The following NOVA1 variants were observed in gnomAD, a reference collection of about 807,000 sequenced individuals.
The protein encoded by NOVA1 is RNA-binding protein Nova-1.
Under a neutral mutation model 38.0 loss-of-function variants are expected in NOVA1, and 7 were observed. The observed-to-expected ratio is 0.18, with a 90% CI of 0.10 to 0.35. The LOEUF is 0.35. Among genes scored for constraint, NOVA1 ranks in the 10% least tolerant of loss-of-function variants. NOVA1 has a pLI of 1.00. For synonymous variants in NOVA1, 270 were observed against 232.5 expected (o/e 1.16, Z -1.47); for missense variants, 460 against 616.0 (o/e 0.75, Z 2.68).
At chr14:26,468,048 T>G (rs1884283455) in intron 4 of NOVA1, among the ~76,000 whole-genome samples, 1 of 152,140 alleles carries the variant, frequency 6.6e-6, no homozygotes. Context: ...TGATGCAATG[T>G]CATTAGCATG....
At chr14:26,566,263 CTT>C (rs1000164432) in intron 2 of NOVA1, among the ~76,000 whole-genome samples, 1 of 152,106 alleles carries the variant, frequency 6.6e-6, no homozygotes, top group African/African-American at 2.4e-5. Context: ...ACAAAACTAA[CTT>C]ATCACTAACT....
chr14:26,593,278 T>A (rs530553479), intron 2 of NOVA1: 2 of 151,826 alleles, frequency 1.3e-5, no homozygotes, highest in African/African-American at 4.8e-5. Flanking sequence ...TCAGAGGCTA[T>A]GTTGAAGAAT....
chr14:26,472,346 G>T lies in NOVA1; in HGVS notation c.493C>A (p.Pro165Thr). ...TGATTAGCTCTGGAGGTGGTCATGG[G>T]ATCAGATGGAGAGGACTTGGTGGTA... ...PTTTKSSPSD[P>T]MTTSRANQVK... is the part of the protein sequence containing the mutation. The change falls in exon 4 of 5, where the codon CCC (proline) becomes ACC (threonine). Residue 165 changes from proline to threonine, a missense_variant. By Grantham distance (38) the Pro-to-Thr change is conservative. Coordinates refer to ENST00000539517, the MANE Select transcript of NOVA1 (RefSeq NM_002515.3). 1 of 1,594,716 alleles carries T rather than the reference G, an allele frequency of 6.3e-7. No individual in the cohort carries two copies. The highest frequency in any genetic ancestry group is 8.6e-7 in the Non-Finnish European group (1 of 1,168,076).
chr14:26,552,359 T>C (rs1179482789), intron 2 of NOVA1, among the ~76,000 whole-genome samples: 1 of 152,102 alleles, frequency 6.6e-6, no homozygotes, highest in Non-Finnish European at 1.5e-5. Context: ...TAAGTAAGTA[T>C]TTTATAAAAA....
At position 26,492,804 on chromosome 14, in the gene NOVA1, T is replaced by G. The variant is rs1288452479; in HGVS notation, c.281-12661A>C. On this transcript the variant is annotated intron_variant, in intron 2 of 4. Coordinates refer to ENST00000539517, the MANE Select transcript of NOVA1 (RefSeq NM_002515.3). Reference sequence around the variant, plus strand: ...CAACATGGTGAAACCCCATCTCTACTAAACATAAAAATTAGCCAGGCATGG... The same window carrying G: ...CAACATGGTGAAACCCCATCTCTACGAAACATAAAAATTAGCCAGGCATGG... 1.8e-3 allele frequency among the ~76,000 whole-genome samples: 30 copies of G among 16,510 alleles called. No homozygotes were observed. In the Non-Finnish European group the frequency reaches 0.056, roughly 31 times the overall value. 10.8% of individuals were successfully genotyped at this position (16,510 alleles called of 152,430 possible). A position where few individuals can be genotyped will look rare whatever the true frequency, so the allele number is the denominator to read the frequency against.
intron 4 of NOVA1, among the ~76,000 whole-genome samples, chr14:26,449,489 T>C (rs184360586): frequency 6.6e-6 from 1 of 152,152 alleles, no homozygotes; most frequent in Non-Finnish European, 1.5e-5. Context: ...GTAATTTTTT[T>C]GTTATTAAAG....
chr14:26,582,039 A>T (rs1428676629), intron 2 of NOVA1, among the ~76,000 whole-genome samples: 1 of 151,876 alleles, frequency 6.6e-6, no homozygotes, highest in African/African-American at 2.4e-5. Flanking sequence ...TAAAGAATTT[A>T]AAAACAACAC....
intron 4 of NOVA1, among the ~76,000 whole-genome samples, chr14:26,459,837 G>GT (rs984918223): frequency 6.6e-6 from 1 of 151,764 alleles, no homozygotes; most frequent in Non-Finnish European, 1.5e-5. Context: ...TGTAACTAGG[G>GT]AATTAAGTTA....
At chr14:26,568,158 A>T (rs149964880) in intron 2 of NOVA1, among the ~76,000 whole-genome samples, 8 of 152,336 alleles carry the variant, frequency 5.3e-5, no homozygotes, top group African/African-American at 1.9e-4. Context: ...ACATATTGCT[A>T]ACTACTCTTT....
intron 2 of NOVA1, among the ~76,000 whole-genome samples, chr14:26,527,685 A>C (rs1455358366): frequency 6.6e-6 from 1 of 152,164 alleles, no homozygotes; most frequent in Non-Finnish European, 1.5e-5. Context: ...CTTGGCACTG[A>C]CAGCAGTAGA....
rs542912267 is a variant in NOVA1 at position 26,561,519 on chromosome 14, G to A, written c.280+33891C>T. Among the ~76,000 whole-genome samples, 10 of 152,236 alleles carry A rather than the reference G, an allele frequency of 6.6e-5. No homozygotes were observed. In the South Asian group the frequency reaches 1.0e-3, roughly 16 times the overall value. On this transcript the variant is annotated intron_variant, in intron 2 of 4. Coordinates refer to ENST00000539517, the MANE Select transcript of NOVA1 (RefSeq NM_002515.3). Reference sequence around the variant, plus strand: ...TGCTTCACTGTGCTGACAGCACATCGTCTAGATTCAGAAATTATATCCTCA... The same window carrying A: ...TGCTTCACTGTGCTGACAGCACATCATCTAGATTCAGAAATTATATCCTCA...
intron 4 of NOVA1, among the ~76,000 whole-genome samples, chr14:26,452,318 A>G (rs547467459): frequency 2.4e-4 from 37 of 152,210 alleles, no homozygotes; most frequent in Non-Finnish European, 5.3e-4. Context: ...ATTCAGTTAA[A>G]TAACATTACA....
rs1354567064 is a variant in NOVA1, at chr14:26,447,208, T to A, written c.*751A>T. 1 of 152,632 alleles carries A rather than the reference T, an allele frequency of 6.6e-6. No individual in the cohort carries two copies. The highest frequency in any genetic ancestry group is 1.9e-4 in the East Asian group (1 of 5,176). The allele number at this position is 152,632 out of a possible 1,614,324, so 9.5% of individuals were successfully genotyped here. ...CTGTTCTACTGGCCAGGCGATGGGA[T>A]CAGTAGTGAATTCAGTGCTTAAAAA... On this transcript the variant is annotated 3_prime_UTR_variant, in exon 5 of 5. Transcript: ENST00000539517.
At chr14:26,577,805 A>C (rs1892956487) in intron 2 of NOVA1, among the ~76,000 whole-genome samples, 1 of 152,156 alleles carries the variant, frequency 6.6e-6, no homozygotes, top group African/African-American at 2.4e-5. Context: ...ATTTAATTCT[A>C]ACATACATAT....
chr14:26,456,537 G>A (rs1178877165), intron 4 of NOVA1, among the ~76,000 whole-genome samples: 2 of 151,962 alleles, frequency 1.3e-5, no homozygotes, highest in African/African-American at 2.4e-5. Context: ...GATATTCAAG[G>A]TAGAGCAGCA....
chr14:26,564,210 A>G (rs1263945238), intron 2 of NOVA1, among the ~76,000 whole-genome samples: 3 of 152,108 alleles, frequency 2.0e-5, no homozygotes, highest in Non-Finnish European at 4.4e-5. Context: ...TAACTTCACC[A>G]TTTCATAAAA....
Position 26,526,818 on chromosome 14 carries a change from G to T in NOVA1, c.281-46675C>A, listed in dbSNP as rs539813128. Among the ~76,000 whole-genome samples the T allele has an allele frequency of 2.2e-4, 34 of 152,212 alleles. No individual in the cohort carries two copies. In the South Asian group the frequency reaches 7.0e-3, roughly 32 times the overall value. On this transcript the variant is annotated intron_variant, in intron 2 of 4. Transcript: ENST00000539517. ...ATTTATGGGCAAATCTACTTCTTAA[G>T]GCAATGTGGTCTTGCAAATGCATGA...
chr14:26,535,860 TC>T (rs1309510734), intron 2 of NOVA1, among the ~76,000 whole-genome samples: 4 of 149,980 alleles, frequency 2.7e-5, no homozygotes, highest in Non-Finnish European at 4.4e-5. Flanking sequence ...GCGCCTGTAG[TC>T]CCAGCTACTC....
chr14:26,464,301 GA>G (rs1333206075), intron 4 of NOVA1, among the ~76,000 whole-genome samples: 1 of 152,110 alleles, frequency 6.6e-6, no homozygotes, highest in Non-Finnish European at 1.5e-5. Context: ...TTTCTGTTTA[GA>G]TATCTTTAGA....
Sources: allele counts gnomAD v4.1 joint callset (sites outside exome capture counted in the v4.1 genomes callset), GRCh38; gene constraint gnomAD v4.1.1; transcripts MANE v1.5; gene names NCBI Gene and HGNC (gene_info 2026-07-23, HGNC 2026-07-21).